ERI3: variants seen among roughly 807,000 people sequenced by gnomAD.
ERI3 encodes ERI1 exoribonuclease family member 3, also known as ERI1 exoribonuclease 3.
Under a neutral mutation model 44.4 loss-of-function variants are expected in ERI3, and 18 were observed. That is an observed-to-expected ratio of 0.41 (90% confidence interval 0.28 to 0.60). The LOEUF (loss-of-function observed/expected upper bound fraction) is 0.60, where lower values mean the gene tolerates loss of function less well. Ranked by LOEUF, ERI3 falls within the 20% of genes least tolerant of loss-of-function variation. The pLI, the probability that ERI3 is intolerant of heterozygous loss-of-function variation, is 0.36. For missense variants in ERI3, 294 were observed against 435.5 expected, an observed-to-expected ratio of 0.68 and a Z score of 2.89; for synonymous variants, 183 against 164.8, an observed-to-expected ratio of 1.11 and a Z score of -0.84.
intron 3 of ERI3, among the ~76,000 whole-genome samples, chr1:44,325,022 A>C (rs1052090444): frequency 4.6e-5 from 7 of 152,000 alleles, no homozygotes; most frequent in Non-Finnish European, 1.0e-4. Flanking sequence ...GAAGCACCAA[A>C]CAAGCATTCA....
rs576680966 is a variant in ERI3, at chr1:44,302,765, T to C, written c.758+5545A>G. Among the ~76,000 whole-genome samples, 4 of 152,268 alleles carry C rather than the reference T, an allele frequency of 2.6e-5. No individual in the cohort carries two copies. In the South Asian group the frequency reaches 8.3e-4, roughly 32 times the overall value. On this transcript the variant is annotated intron_variant, in intron 6 of 8. Transcript: ENST00000372257. Reference sequence around the variant, plus strand: ...CAAACAAAGGAGAGGAGAGGGGCATTCCCACCGTGTATCACCAAACCACAG... The same window carrying C: ...CAAACAAAGGAGAGGAGAGGGGCATCCCCACCGTGTATCACCAAACCACAG...
intron 8 of ERI3, among the ~76,000 whole-genome samples, chr1:44,239,722 A>T (rs1644391897): frequency 6.6e-6 from 1 of 152,214 alleles, no homozygotes; most frequent in Admixed American, 6.5e-5. Flanking sequence ...ACAGCGTTTA[A>T]TAATAGTAAC....
At chr1:44,310,957 GCGCGCGCACACACACA>G (rs1557840889) in intron 5 of ERI3, among the ~76,000 whole-genome samples, 10 of 76,744 alleles carry the variant, frequency 1.3e-4, no homozygotes, top group African/African-American at 5.2e-4. Flanking sequence ...CACATCGCGC[GCGCGCGCACACACACA>G]CACACACACA....
chr1:44,283,988 T>C, intron 7 of ERI3: 1 of 470,334 alleles, frequency 2.1e-6, no homozygotes, highest in Non-Finnish European at 4.4e-6. Context: ...GCCACTACCT[T>C]GACCCCCGGT....
chr1:44,304,774 T>G (rs80235705), intron 6 of ERI3, among the ~76,000 whole-genome samples: 1 of 152,174 alleles, frequency 6.6e-6, no homozygotes, highest in African/African-American at 2.4e-5. Flanking sequence ...GCAAGTATCT[T>G]TCCATCTCCA....
intron 7 of ERI3, among the ~76,000 whole-genome samples, chr1:44,257,653 G>A (rs1298041948): frequency 2.6e-5 from 4 of 152,104 alleles, no homozygotes; most frequent in Admixed American, 1.3e-4. Flanking sequence ...AAGGCACAGG[G>A]GTGAGTTTCT....
chr1:44,245,373 T>C (rs1389935408), intron 8 of ERI3, among the ~76,000 whole-genome samples: 2 of 152,044 alleles, frequency 1.3e-5, no homozygotes, highest in Non-Finnish European at 2.9e-5. Context: ...AAAGACCAAG[T>C]GTCAAGAAGC....
chr1:44,296,692 C>A (rs1358143024), intron 6 of ERI3, among the ~76,000 whole-genome samples: 1 of 152,140 alleles, frequency 6.6e-6, no homozygotes, highest in Non-Finnish European at 1.5e-5. Context: ...TTAGGGGCCC[C>A]ATAATGGAAA....
intron 7 of ERI3, among the ~76,000 whole-genome samples, chr1:44,276,111 A>G (rs1218346698): frequency 1.3e-5 from 2 of 152,182 alleles, no homozygotes; most frequent in Admixed American, 6.5e-5. Flanking sequence ...TCTCTTGGGA[A>G]TGAATAGAGT....
At chr1:44,277,748 A>G (rs1645207576) in intron 7 of ERI3, among the ~76,000 whole-genome samples, 2 of 152,222 alleles carry the variant, frequency 1.3e-5, no homozygotes, top group Non-Finnish European at 2.9e-5. Context: ...TTCAGCATTT[A>G]GCAAAACTGA....
chr1:44,252,417 G>C lies in ERI3; in HGVS notation c.832-4379C>G, dbSNP rs373964791. Among the ~76,000 whole-genome samples the C allele has an allele frequency of 6.6e-6, 1 of 152,228 alleles. No homozygotes were observed. Among genetic ancestry groups the C allele is most frequent in the Non-Finnish European group, 1.5e-5 (1 of 68,028 alleles). ...GCCAGCCATCTGCGACGGGCCTGCCGCATAGCCCTGCTGTAGGTGCGGCGG... is the reference window on the plus strand; with the variant it reads ...GCCAGCCATCTGCGACGGGCCTGCCCCATAGCCCTGCTGTAGGTGCGGCGG... On this transcript the variant is annotated intron_variant, in intron 7 of 8. Coordinates refer to ENST00000372257, the MANE Select transcript of ERI3 (RefSeq NM_024066.3). This position sits in a 1 kb window ranked among gnomAD's most constrained non-coding sequence, Gnocchi z 4.7.
chr1:44,322,610 T>A, intron 3 of ERI3: 1 of 1,291,050 alleles, frequency 7.7e-7, no homozygotes, highest in Non-Finnish European at 1.0e-6. Flanking sequence ...TTATTAACAA[T>A]GAGCCTACAC....
intron 8 of ERI3, among the ~76,000 whole-genome samples, chr1:44,246,014 C>A: frequency 6.6e-6 from 1 of 152,200 alleles, no homozygotes; most frequent in Non-Finnish European, 1.5e-5. Flanking sequence ...TAGTTTTGTG[C>A]AACACAAACT....
intron 5 of ERI3, among the ~76,000 whole-genome samples, chr1:44,310,963 G>GCGCGCGCGCGCGCGCACACACACA (rs1373873768): frequency 1.3e-4 from 16 of 123,200 alleles, no homozygotes; most frequent in Non-Finnish European, 2.5e-4. Flanking sequence ...GCGCGCGCGC[G>GCGCGCGCGCGCGCGCACACACACA]CACACACACA....
chr1:44,243,051 T>A (rs948283855), intron 8 of ERI3, among the ~76,000 whole-genome samples: 6 of 152,236 alleles, frequency 3.9e-5, no homozygotes, highest in Admixed American at 1.3e-4. Flanking sequence ...GTCACAGAGC[T>A]AATGCGTTCT....
At chr1:44,319,098 A>C (rs1419532190) in intron 4 of ERI3, among the ~76,000 whole-genome samples, 1 of 152,230 alleles carries the variant, frequency 6.6e-6, no homozygotes, top group Non-Finnish European at 1.5e-5. Flanking sequence ...CCCACCTAGG[A>C]TAAGCAGATT....
Position 44,296,652 on chromosome 1 carries a change from A to T in ERI3, c.758+11658T>A, listed in dbSNP as rs546929971. Among the ~76,000 whole-genome samples, 91 of 152,176 alleles carry T rather than the reference A, an allele frequency of 6.0e-4. 2 individuals are homozygous for T. The highest frequency in any genetic ancestry group is 1.5e-4 in the Non-Finnish European group (10 of 68,034). On this transcript the variant is annotated intron_variant, in intron 6 of 8. Coordinates refer to ENST00000372257, the MANE Select transcript of ERI3 (RefSeq NM_024066.3). Reference sequence around the variant, plus strand: ...AAGCTGGTCTCAATGGCAGAGAGTAAATCAGAAAAATAGAGCATCCTTCCA... The same window carrying T: ...AAGCTGGTCTCAATGGCAGAGAGTATATCAGAAAAATAGAGCATCCTTCCA...
intron 2 of ERI3, among the ~76,000 whole-genome samples, chr1:44,348,189 C>G (rs937900436): frequency 6.6e-6 from 1 of 152,098 alleles, no homozygotes; most frequent in South Asian, 2.1e-4. Flanking sequence ...CCTAGCCCAC[C>G]CCATTCTGTC....
chr1:44,251,564 A>G (rs565909672), intron 7 of ERI3, among the ~76,000 whole-genome samples: 2 of 152,316 alleles, frequency 1.3e-5, no homozygotes, highest in African/African-American at 4.8e-5. Flanking sequence ...AATGAAGACA[A>G]GCAGACCCTG....
Sources: allele counts gnomAD v4.1 joint callset (sites outside exome capture counted in the v4.1 genomes callset), GRCh38; gene constraint gnomAD v4.1.1; non-coding constraint Gnocchi (gnomAD v3.1); transcripts MANE v1.5; gene names NCBI Gene and HGNC (gene_info 2026-07-23, HGNC 2026-07-21).